Variants in RPS6KA2 observed in about 807,000 individuals in gnomAD.
RPS6KA2 encodes the protein ribosomal protein S6 kinase alpha-2.
A neutral mutation model predicts 91.8 loss-of-function variants in RPS6KA2; 42 were observed. That is an observed-to-expected ratio of 0.46 (90% CI 0.36 to 0.59). The LOEUF (loss-of-function observed/expected upper bound fraction) is 0.59, where lower values mean the gene tolerates loss of function less well. RPS6KA2 is among the 20% of genes least tolerant of loss of function. The pLI is 0.00. For missense variants in RPS6KA2, 798 were observed against 978.5 expected, an observed-to-expected ratio of 0.82 and a Z score of 2.46; for synonymous variants, 414 against 393.6, an observed-to-expected ratio of 1.05 and a Z score of -0.61.
chr6:166,705,829 G>T (rs1352852961), intron 2 of RPS6KA2, among the ~76,000 whole-genome samples: 3 of 152,176 alleles, frequency 2.0e-5, no homozygotes, highest in East Asian at 1.9e-4. Context: ...CTGAATGTTT[G>T]TGTCTCCCCT....
chr6:166,809,948 T>C (rs917427190), intron 2 of RPS6KA2, among the ~76,000 whole-genome samples: 1 of 152,222 alleles, frequency 6.6e-6, no homozygotes, highest in African/African-American at 2.4e-5. Flanking sequence ...CACACTGCTA[T>C]GAAGAAATAC....
intron 2 of RPS6KA2, among the ~76,000 whole-genome samples, chr6:166,715,615 C>A (rs562846464): frequency 4.5e-4 from 69 of 152,320 alleles, no homozygotes; most frequent in Non-Finnish European, 1.8e-4. Context: ...GTTGTGAGAA[C>A]ATGACAGAGT....
Position 166,648,222 on chromosome 6 carries a change from AC to A in RPS6KA2, c.124-109439del, listed in dbSNP as rs1484583070. Among the ~76,000 whole-genome samples the A allele has an allele frequency of 6.7e-6, 1 of 150,336 alleles. No individual in the cohort carries two copies. The highest frequency in any genetic ancestry group is 1.5e-5 in the Non-Finnish European group (1 of 67,578). On this transcript the variant is annotated intron_variant, in intron 2 of 21. Coordinates refer to the RPS6KA2 transcript ENST00000503859. This position sits in a 1 kb window ranked among gnomAD's most constrained non-coding sequence, Gnocchi z 4.8. The stretch of plus-strand genomic sequence containing the variant: ...TACACACACTCATGCACACACACGC[AC>A]ATGCGCACACACACACATTCACACA...
chr6:166,522,281 G>T (rs1044274663), intron 3 of RPS6KA2, among the ~76,000 whole-genome samples: 3 of 152,238 alleles, frequency 2.0e-5, no homozygotes, highest in Admixed American at 6.5e-5. Flanking sequence ...CAGCTGCTGT[G>T]AAGATGAGCA....
chr6:166,782,511 A>G (rs1042814865), intron 2 of RPS6KA2, among the ~76,000 whole-genome samples: 1 of 152,180 alleles, frequency 6.6e-6, no homozygotes, highest in Non-Finnish European at 1.5e-5. Context: ...TGCTCTCAGG[A>G]CCGATCAGAA....
At chr6:166,566,161 G>A (rs111287545) in intron 1 of RPS6KA2, among the ~76,000 whole-genome samples, 8 of 152,194 alleles carry the variant, frequency 5.3e-5, no homozygotes, top group African/African-American at 1.4e-4. Flanking sequence ...ACCTACTCCC[G>A]GGCTCCTGGG....
chr6:166,565,214 T>C (rs909886058), intron 1 of RPS6KA2, among the ~76,000 whole-genome samples: 3 of 152,122 alleles, frequency 2.0e-5, no homozygotes, highest in African/African-American at 7.2e-5. Context: ...TCCCAAGTGA[T>C]TTAAGTCACC....
chr6:166,455,388 C>T (rs1333770590), intron 12 of RPS6KA2, among the ~76,000 whole-genome samples: 1 of 152,164 alleles, frequency 6.6e-6, no homozygotes, highest in African/African-American at 2.4e-5. Context: ...CACTGGTGCT[C>T]TTCCTGGGGT....
At chr6:166,724,113 C>T (rs758854167) in intron 2 of RPS6KA2, among the ~76,000 whole-genome samples, 1 of 152,150 alleles carries the variant, frequency 6.6e-6, no homozygotes, top group Non-Finnish European at 1.5e-5. Flanking sequence ...ATATGTCATA[C>T]ACATGCACAT....
At chr6:166,654,377 G>A (rs1400051254) in intron 2 of RPS6KA2, among the ~76,000 whole-genome samples, 3 of 152,078 alleles carry the variant, frequency 2.0e-5, no homozygotes, top group South Asian at 4.1e-4. Context: ...GAAAGGGCAC[G>A]GGCCCCACTG....
At position 166,824,454 on chromosome 6, in the gene RPS6KA2, GT is replaced by G. The variant is rs532021396; in HGVS notation, c.123+33745del. On this transcript the variant is annotated intron_variant, in intron 2 of 21. Transcript: ENST00000503859. ...GGGGGACATACTTCCCAACTTCTCT[GT>G]GGCAGTTTTCACTTAAAAGGAAACT... Among the ~76,000 whole-genome samples, 358 of 152,342 alleles carry G rather than the reference GT, an allele frequency of 2.3e-3. 6 individuals are homozygous for G. Among genetic ancestry groups the G allele is most frequent in the Non-Finnish European group, 6.0e-4 (41 of 68,032 alleles).
chr6:166,848,687 T>C (rs1780663752), intron 2 of RPS6KA2, among the ~76,000 whole-genome samples: 1 of 152,078 alleles, frequency 6.6e-6, no homozygotes, highest in Non-Finnish European at 1.5e-5. Flanking sequence ...TCACTCATAA[T>C]TGGGAGCTAA....
At chr6:166,531,137 C>T (rs769496575) in intron 3 of RPS6KA2, 95 bp downstream of exon 3, 8 of 845,900 alleles carry the variant, frequency 9.5e-6, no homozygotes, top group Admixed American at 3.6e-5. Context: ...TTTCAGAAAT[C>T]GTGAACATTA....
intron 10 of RPS6KA2, among the ~76,000 whole-genome samples, chr6:166,477,490 G>A (rs567611123): frequency 6.6e-6 from 1 of 152,212 alleles, no homozygotes; most frequent in East Asian, 1.9e-4. Flanking sequence ...TAAAAAATAG[G>A]TTATTTAGAA....
intron 1 of RPS6KA2, among the ~76,000 whole-genome samples, chr6:166,576,711 G>A (rs4710067): frequency 0.31 from 47,206 of 152,122 alleles, 8,720 homozygotes; most frequent in South Asian, 0.51. Context: ...AAGCATAAAG[G>A]TTCAGAAAAT....
intron 1 of RPS6KA2, among the ~76,000 whole-genome samples, chr6:166,619,665 CAG>C (rs1786553155): frequency 6.6e-6 from 1 of 152,282 alleles, no homozygotes; most frequent in Admixed American, 6.5e-5. Context: ...TTTTCTCACA[CAG>C]AGTCCTCTCA....
chr6:166,418,384 A>G lies in RPS6KA2; in HGVS notation c.1821-42T>C, dbSNP rs752827332. The G allele has an allele frequency of 4.1e-6, 6 of 1,468,812 alleles. No individual in the cohort carries two copies. The highest frequency in any genetic ancestry group is 5.7e-6 in the Non-Finnish European group (6 of 1,050,756). The allele number at this position is 1,468,812 out of a possible 1,614,324, so 91.0% of individuals were successfully genotyped here. A position where few individuals can be genotyped will look rare whatever the true frequency, so the allele number is the denominator to read the frequency against. On this transcript the variant is annotated intron_variant, in intron 18 of 20. Coordinates refer to ENST00000265678, the MANE Select transcript of RPS6KA2 (RefSeq NM_021135.6). This position sits in a 1 kb window ranked among gnomAD's most constrained non-coding sequence, Gnocchi z 4.9. The stretch of plus-strand genomic sequence containing the variant: ...ATTTGTGGTAATGAGCTTGTATTTT[A>G]CAACCTAAAATAAAGTTTGCAAGTT...
At chr6:166,553,189 C>A (rs1230132195) in intron 1 of RPS6KA2, among the ~76,000 whole-genome samples, 1 of 152,186 alleles carries the variant, frequency 6.6e-6, no homozygotes, top group Non-Finnish European at 1.5e-5. Context: ...TGCAAACACC[C>A]CTCGCTGCAT....
chr6:166,674,613 T>C (rs2128562405), intron 2 of RPS6KA2, among the ~76,000 whole-genome samples: 1 of 152,338 alleles, frequency 6.6e-6, no homozygotes, highest in Non-Finnish European at 1.5e-5. Flanking sequence ...AAGAAAACTC[T>C]TACTTCAAAG....
Sources: allele counts gnomAD v4.1 joint callset (sites outside exome capture counted in the v4.1 genomes callset), GRCh38; gene constraint gnomAD v4.1.1; non-coding constraint Gnocchi (gnomAD v3.1); transcripts MANE v1.5; gene names NCBI Gene and HGNC (gene_info 2026-07-23, HGNC 2026-07-21).